ZNF365: variants seen among roughly 807,000 people sequenced by gnomAD.
ZNF365 encodes the protein zinc finger protein 365.
ZNF365 carries 22 observed loss-of-function variants against 35.0 expected under a neutral mutation model. The ratio of observed to expected loss-of-function variants is 0.63; its 90% CI spans 0.45 to 0.90. The LOEUF (loss-of-function observed/expected upper bound fraction) is 0.90, where lower values mean the gene tolerates loss of function less well. Among genes scored for constraint, ZNF365 ranks in the 40% least tolerant of loss-of-function variants. The probability of loss-of-function intolerance (pLI) is 0.00; values close to 1 mark genes in which losing one functional copy is unlikely to be tolerated. For synonymous variants in ZNF365, 188 were observed against 196.2 expected (o/e 0.96, Z 0.35); for missense variants, 448 against 500.3 (o/e 0.90, Z 1.00).
In ZNF365 at chr10:62,456,811, G is replaced by A. The variant is rs191332348; in HGVS notation, c.925-2930G>A. ...GCTATTTAGCTGTGACCACAATGAT[G>A]CTCAGTTAAAACACACACACGTGCG... On this transcript the variant is annotated intron_variant, in intron 3 of 4. Transcript: ENST00000395255. Among the ~76,000 whole-genome samples the A allele has an allele frequency of 3.2e-4, 49 of 151,616 alleles. 1 individual carries two copies. The highest frequency in any genetic ancestry group is 2.5e-3 in the East Asian group (13 of 5,172).
intron 4 of ZNF365, among the ~76,000 whole-genome samples, chr10:62,464,677 C>A (rs576660000): frequency 6.6e-6 from 1 of 152,320 alleles, no homozygotes; most frequent in Admixed American, 6.5e-5. Flanking sequence ...CCATTTTCTT[C>A]CACAAACTCC....
chr10:62,391,116 C>T (rs1839620544), intron 3 of ZNF365, among the ~76,000 whole-genome samples: 1 of 152,150 alleles, frequency 6.6e-6, no homozygotes, highest in South Asian at 2.1e-4. Flanking sequence ...AACTTTTTTA[C>T]CTTATAGACT....
intron 3 of ZNF365, among the ~76,000 whole-genome samples, chr10:62,417,288 A>G (rs530445575): frequency 2.2e-4 from 33 of 152,208 alleles, no homozygotes; most frequent in African/African-American, 7.7e-4. Flanking sequence ...GGAGTAGACT[A>G]CTTCAGTACT....
intron 2 of ZNF365, among the ~76,000 whole-genome samples, chr10:62,381,911 A>G (rs1264994399): frequency 1.8e-4 from 28 of 152,206 alleles, no homozygotes; most frequent in Admixed American, 1.8e-3. Flanking sequence ...AGCCATGCAG[A>G]AGACAAATCT....
chr10:62,416,257 C>T (rs550090645), intron 3 of ZNF365, among the ~76,000 whole-genome samples: 82 of 150,172 alleles, frequency 5.5e-4, no homozygotes, highest in South Asian at 4.2e-3. Flanking sequence ...AAAAAAAAAA[C>T]GATGAAACTA....
chr10:62,442,749 G>A (rs147407521), intron 3 of ZNF365, among the ~76,000 whole-genome samples: 326 of 152,306 alleles, frequency 2.1e-3, no homozygotes, highest in African/African-American at 7.0e-3. Flanking sequence ...ATATTCAGAT[G>A]TCTTCTCAGG....
chr10:62,398,940 G>A (rs1006102273), intron 4 of ZNF365, among the ~76,000 whole-genome samples, 163 bp downstream of exon 4: 1 of 152,140 alleles, frequency 6.6e-6, no homozygotes, highest in African/African-American at 2.4e-5. Flanking sequence ...CTAACTTTGT[G>A]AAAAGTTGAT....
chr10:62,387,002 G>T (rs976250461), intron 2 of ZNF365, among the ~76,000 whole-genome samples: 5 of 152,136 alleles, frequency 3.3e-5, no homozygotes, highest in Non-Finnish European at 5.9e-5. Context: ...AACAGTGAGA[G>T]GCCATTCCTT....
intron 3 of ZNF365, among the ~76,000 whole-genome samples, chr10:62,413,618 T>G (rs534215396): frequency 1.6e-4 from 25 of 151,892 alleles, no homozygotes; most frequent in African/African-American, 4.6e-4. Flanking sequence ...ACACCTCACT[T>G]TTAAAAATGT....
At chr10:62,399,219 C>T (rs1337760223) in intron 4 of ZNF365, among the ~76,000 whole-genome samples, 1 of 152,146 alleles carries the variant, frequency 6.6e-6, no homozygotes, top group Non-Finnish European at 1.5e-5. Flanking sequence ...GTTCTGGTCC[C>T]ATCTTCTCCA....
intron 3 of ZNF365, among the ~76,000 whole-genome samples, chr10:62,438,552 T>G (rs578091482): frequency 6.6e-6 from 1 of 151,956 alleles, no homozygotes; most frequent in South Asian, 2.1e-4. Flanking sequence ...ATACATAAAG[T>G]AATTTTGAGT....
At chr10:62,378,905 A>G (rs575847272) in intron 2 of ZNF365, among the ~76,000 whole-genome samples, 12 of 152,206 alleles carry the variant, frequency 7.9e-5, no homozygotes, top group African/African-American at 2.9e-4. Context: ...CCAGTTTGTT[A>G]TTGATGAATA....
intron 3 of ZNF365, among the ~76,000 whole-genome samples, chr10:62,450,121 T>A (rs772779822): frequency 5.3e-5 from 8 of 151,938 alleles, no homozygotes; most frequent in Non-Finnish European, 1.2e-4. Flanking sequence ...AAAAAAAAAA[T>A]TTTAAGACTT....
rs1839817177 is a variant in ZNF365, at chr10:62,400,867, C to CT, written c.*1079dup. On this transcript the variant is annotated 3_prime_UTR_variant, in exon 5 of 5. Transcript: ENST00000395254. Reference sequence around the variant, plus strand: ...CAACCAAGTATCTGGAGTGTTCACTCTATGTTGCATTCTAAAGTAATTTCT... The same window carrying CT: ...CAACCAAGTATCTGGAGTGTTCACTCTTATGTTGCATTCTAAAGTAATTTCT... The CT allele has an allele frequency of 1.0e-6, 1 of 985,474 alleles. No homozygotes were observed. Among genetic ancestry groups the CT allele is most frequent in the East Asian group, 1.1e-4 (1 of 8,926 alleles). The allele number at this position is 985,474 out of a possible 1,614,324, so 61.0% of individuals were successfully genotyped here. A position where few individuals can be genotyped will look rare whatever the true frequency, so the allele number is the denominator to read the frequency against.
intron 4 of ZNF365, among the ~76,000 whole-genome samples, chr10:62,470,310 C>G (rs1489592437): frequency 1.3e-5 from 2 of 152,180 alleles, no homozygotes. Flanking sequence ...CACAGTTGTC[C>G]CCATTGAGGG....
chr10:62,467,294 T>G (rs1840960016), intron 4 of ZNF365, among the ~76,000 whole-genome samples: 1 of 152,240 alleles, frequency 6.6e-6, no homozygotes, highest in African/African-American at 2.4e-5. Flanking sequence ...TTGTAGATTT[T>G]TTTTTGTTCC....
At chr10:62,479,972 T>C in exon 5 of ZNF365, 3 of 1,599,880 alleles carry the variant, frequency 1.9e-6, no homozygotes, top group Non-Finnish European at 2.6e-6. Context: ...AGAGAAGCTT[T>C]CATTCATTCA....
At chr10:62,413,530 C>T (rs1564579991) in intron 3 of ZNF365, among the ~76,000 whole-genome samples, 1 of 152,066 alleles carries the variant, frequency 6.6e-6, no homozygotes, top group African/African-American at 2.4e-5. Context: ...CTTAGGAAAA[C>T]TTTTGACCCT....
intron 4 of ZNF365, among the ~76,000 whole-genome samples, chr10:62,474,311 C>T (rs1841092470): frequency 6.6e-6 from 1 of 152,212 alleles, no homozygotes; most frequent in Non-Finnish European, 1.5e-5. Flanking sequence ...CAACAGGTGT[C>T]TCCACCACAC....
Sources: gnomAD v4.1 joint callset for allele counts (sites outside exome capture counted in the v4.1 genomes callset) on GRCh38, gnomAD v4.1.1 for gene constraint, MANE v1.5 for transcripts, NCBI Gene and HGNC (gene_info 2026-07-23, HGNC 2026-07-21) for gene names.